The following ELMOD1 variants were observed in gnomAD, a reference collection of about 807,000 sequenced individuals.
ELMOD1 encodes ELMO domain-containing protein 1.
ELMOD1 carries 21 observed loss-of-function variants against 46.7 expected under a neutral mutation model. The ratio of observed to expected loss-of-function variants is 0.45; its 90% CI spans 0.32 to 0.65. The LOEUF is 0.65. Ranked by LOEUF, ELMOD1 falls within the 30% of genes least tolerant of loss-of-function variation. ELMOD1 has a pLI of 0.04. For synonymous variants in ELMOD1, 122 were observed against 138.2 expected, an observed-to-expected ratio of 0.88 and a Z score of 0.82; for missense variants, 348 against 407.8, an observed-to-expected ratio of 0.85 and a Z score of 1.26.
intron 1 of ELMOD1, among the ~76,000 whole-genome samples, chr11:107,595,978 G>A (rs1736039822): frequency 1.3e-5 from 2 of 151,958 alleles, no homozygotes; most frequent in South Asian, 4.1e-4. Flanking sequence ...CTTTTTTGGT[G>A]CAAGGCAAAA....
intron 6 of ELMOD1, among the ~76,000 whole-genome samples, chr11:107,642,136 G>T (rs564026860): frequency 6.6e-6 from 1 of 151,616 alleles, no homozygotes; most frequent in East Asian, 2.0e-4. Flanking sequence ...TAGAGACAGG[G>T]TTTCACCATC....
Position 107,647,616 on chromosome 11 carries a change from G to C in ELMOD1, c.554+15G>C. ...TACAATTTGCAGTAAGTAAAATGAA[G>C]GACAGCTAAGTGTTCGAGTGATGTT... On this transcript the variant is annotated intron_variant, in intron 7 of 11. Transcript: ENST00000265840. 3.7e-6 allele frequency: 6 copies of C among 1,608,616 alleles called. No individual in the cohort carries two copies. The highest frequency in any genetic ancestry group is 1.3e-5 in the African/African-American group (1 of 74,810).
At chr11:107,639,086 G>A (rs1027024658) in intron 6 of ELMOD1, among the ~76,000 whole-genome samples, 1 of 152,138 alleles carries the variant, frequency 6.6e-6, no homozygotes, top group Non-Finnish European at 1.5e-5. Flanking sequence ...GGAAGTCAAG[G>A]CTACAGTGAG....
chr11:107,646,357 G>C (rs1289534130), intron 6 of ELMOD1, among the ~76,000 whole-genome samples: 1 of 152,066 alleles, frequency 6.6e-6, no homozygotes, highest in Non-Finnish European at 1.5e-5. Context: ...TACATTTTGA[G>C]GTTTATTCAT....
intron 2 of ELMOD1, among the ~76,000 whole-genome samples, chr11:107,624,507 T>C (rs961947559): frequency 3.9e-5 from 6 of 152,038 alleles, no homozygotes; most frequent in Admixed American, 1.3e-4. Flanking sequence ...AAAAATTAGC[T>C]GAGCATTGTG....
At chr11:107,661,791 A>G (rs564859751) in intron 11 of ELMOD1, among the ~76,000 whole-genome samples, 7 of 152,292 alleles carry the variant, frequency 4.6e-5, no homozygotes, top group Admixed American at 1.3e-4. Context: ...ATCTGGGAGG[A>G]TCTGCATTTT....
At chr11:107,642,467 CA>C (rs1214981748) in intron 6 of ELMOD1, among the ~76,000 whole-genome samples, 2 of 152,000 alleles carry the variant, frequency 1.3e-5, no homozygotes, top group African/African-American at 4.8e-5. Flanking sequence ...CTCCCAGGTT[CA>C]ATCAATTCTC....
intron 6 of ELMOD1, among the ~76,000 whole-genome samples, chr11:107,640,748 G>A (rs952646950): frequency 5.9e-5 from 9 of 152,258 alleles, no homozygotes; most frequent in Admixed American, 6.5e-5. Context: ...ATTAAAATCA[G>A]TTTAGCAATA....
intron 6 of ELMOD1, among the ~76,000 whole-genome samples, chr11:107,638,101 C>T (rs1866260830): frequency 1.3e-5 from 2 of 152,084 alleles, no homozygotes; most frequent in Non-Finnish European, 2.9e-5. Flanking sequence ...TCGTGCCATA[C>T]CATACGCCCA....
intron 1 of ELMOD1, among the ~76,000 whole-genome samples, chr11:107,617,345 C>T (rs1329933786): frequency 1.3e-5 from 2 of 152,116 alleles, no homozygotes; most frequent in Non-Finnish European, 2.9e-5. Context: ...AGTGGATGTT[C>T]CATTTCTCTC....
In ELMOD1 at chr11:107,614,813, C is replaced by G. The variant is rs1865834162; in HGVS notation, c.-85-3292C>G. 3.3e-5 allele frequency among the ~76,000 whole-genome samples: 5 copies of G among 152,220 alleles called. No homozygotes were observed. In the South Asian group the frequency reaches 1.0e-3, roughly 32 times the overall value. On this transcript the variant is annotated intron_variant, in intron 1 of 11. Coordinates refer to ENST00000265840, the MANE Select transcript of ELMOD1 (RefSeq NM_018712.4). ...TGCCATCACTATTTTTCCCATCCCTCTCACTGAGCACCACACTAAGTCATG... is the reference window on the plus strand; with the variant it reads ...TGCCATCACTATTTTTCCCATCCCTGTCACTGAGCACCACACTAAGTCATG...
chr11:107,628,463 C>T (rs1866082030), intron 2 of ELMOD1, among the ~76,000 whole-genome samples: 1 of 152,122 alleles, frequency 6.6e-6, no homozygotes, highest in African/African-American at 2.4e-5. Context: ...CTGCGTCCAG[C>T]CCTGAGGTTT....
chr11:107,621,603 T>C (rs1865948836), intron 2 of ELMOD1, among the ~76,000 whole-genome samples: 1 of 152,246 alleles, frequency 6.6e-6, no homozygotes, highest in Non-Finnish European at 1.5e-5. Flanking sequence ...CTTAGTAAAG[T>C]TAAGTGACTT....
At chr11:107,662,569 C>A (rs1866759446) in intron 11 of ELMOD1, among the ~76,000 whole-genome samples, 1 of 149,018 alleles carries the variant, frequency 6.7e-6, no homozygotes, top group African/African-American at 2.5e-5. Flanking sequence ...AAGATCGTGC[C>A]ATTGCACTCC....
At chr11:107,626,307 C>A (rs1404189554) in intron 2 of ELMOD1, among the ~76,000 whole-genome samples, 1 of 140,596 alleles carries the variant, frequency 7.1e-6, no homozygotes, top group Non-Finnish European at 1.5e-5. Context: ...AGTGCTGGTA[C>A]AAGAGACAGT....
chr11:107,650,249 C>A, intron 7 of ELMOD1, 86 bp from the exon 8 acceptor site: 1 of 980,646 alleles, frequency 1.0e-6, no homozygotes, highest in Non-Finnish European at 1.6e-6. Context: ...TCTCTGGATT[C>A]AAAATGACCT....
At chr11:107,664,941 C>A in intron 11 of ELMOD1, 84 bp from the exon 12 acceptor site, 2 of 1,343,196 alleles carry the variant, frequency 1.5e-6, no homozygotes, top group Non-Finnish European at 2.1e-6. Context: ...GGTTCAGCAT[C>A]TTCCTCAGCA....
chr11:107,602,995 G>T (rs768905971), intron 1 of ELMOD1, among the ~76,000 whole-genome samples: 1 of 152,184 alleles, frequency 6.6e-6, no homozygotes, highest in Non-Finnish European at 1.5e-5. Flanking sequence ...TATCCTGGCT[G>T]CCTCTGTTCT....
At chr11:107,642,208 C>G (rs1565384535) in intron 6 of ELMOD1, among the ~76,000 whole-genome samples, 1 of 152,054 alleles carries the variant, frequency 6.6e-6, no homozygotes, top group South Asian at 2.1e-4. Context: ...TCCCAAAGTG[C>G]TGGGATTACA....
Sources: gnomAD v4.1 joint callset for allele counts (sites outside exome capture counted in the v4.1 genomes callset) on GRCh38, gnomAD v4.1.1 for gene constraint, MANE v1.5 for transcripts, NCBI Gene and HGNC (gene_info 2026-07-23, HGNC 2026-07-21) for gene names.